AGBL1: variants seen among roughly 807,000 people sequenced by gnomAD.
AGBL1 encodes the protein AGBL carboxypeptidase 1, also known as cytosolic carboxypeptidase 4.
Under a neutral mutation model 118.9 loss-of-function variants are expected in AGBL1, and 130 were observed. That is an observed-to-expected ratio of 1.09 (90% CI 0.95 to 1.26). AGBL1 has a LOEUF of 1.26. Ranked by LOEUF, AGBL1 falls within the 50% of genes most tolerant of loss-of-function variation. AGBL1 has a pLI of 0.00. For missense variants in AGBL1, 1,584 were observed against 1,298.1 expected (o/e 1.22, Z -3.38); for synonymous variants, 555 against 478.9 (o/e 1.16, Z -2.08).
chr15:86,621,645 A>C (rs2084806494), intron 21 of AGBL1, among the ~76,000 whole-genome samples: 1 of 152,198 alleles, frequency 6.6e-6, no homozygotes, highest in Non-Finnish European at 1.5e-5. Context: ...AAAAGACCTT[A>C]TGTCCAAATC....
chr15:86,928,940 C>A (rs2080576138), intron 23 of AGBL1, among the ~76,000 whole-genome samples: 1 of 152,022 alleles, frequency 6.6e-6, no homozygotes. Context: ...TTAAAATGTA[C>A]AATTTAGTGT....
intron 3 of AGBL1, among the ~76,000 whole-genome samples, chr15:86,146,878 A>G (rs2077040295): frequency 6.6e-6 from 1 of 152,334 alleles, no homozygotes; most frequent in Non-Finnish European, 1.5e-5. Context: ...GGTACATATC[A>G]GTAAACGAGG....
At position 86,910,449 on chromosome 15, in the gene AGBL1, G is replaced by A. The variant is rs1274890826; in HGVS notation, c.*3155G>A. ...CTGAATTTAATTCTGAATGTAATGG[G>A]GGAGACTTAAAGAGCTTTCAGCAGA... On this transcript the variant is annotated 3_prime_UTR_variant, in exon 23 of 23. Transcript: ENST00000614907. 1 of 152,128 alleles carries A rather than the reference G, an allele frequency of 6.6e-6. No homozygotes were observed. Among genetic ancestry groups the A allele is most frequent in the Non-Finnish European group, 1.5e-5 (1 of 68,024 alleles). The allele number at this position is 152,128 out of a possible 1,614,324, so 9.4% of individuals were successfully genotyped here.
intron 1 of AGBL1, among the ~76,000 whole-genome samples, chr15:86,115,685 C>T (rs1567064106): frequency 6.6e-6 from 1 of 152,186 alleles, no homozygotes; most frequent in Non-Finnish European, 1.5e-5. Flanking sequence ...CTTGTCAGCA[C>T]TGGAAAGCTC....
At chr15:86,744,104 G>C (rs1271546932) in intron 22 of AGBL1, among the ~76,000 whole-genome samples, 1 of 152,046 alleles carries the variant, frequency 6.6e-6, no homozygotes, top group Admixed American at 6.6e-5. Context: ...TTCTTGCTGA[G>C]AAATGAATGA....
intron 1 of AGBL1, among the ~76,000 whole-genome samples, chr15:86,111,660 G>C (rs918236338): frequency 1.3e-5 from 2 of 152,170 alleles, no homozygotes; most frequent in African/African-American, 2.4e-5. Context: ...GAACAAGTTG[G>C]GGAAAACACT....
intron 24 of AGBL1, among the ~76,000 whole-genome samples, chr15:87,002,735 A>G (rs2081453359): frequency 6.6e-6 from 1 of 152,102 alleles, no homozygotes; most frequent in Admixed American, 6.6e-5. Flanking sequence ...ATTCTCTTTG[A>G]AGCATTTGTG....
At chr15:86,390,336 G>A (rs1269915272) in intron 17 of AGBL1, among the ~76,000 whole-genome samples, 3 of 152,110 alleles carry the variant, frequency 2.0e-5, no homozygotes, top group Non-Finnish European at 4.4e-5. Context: ...CATGGAACAA[G>A]CAGATATAAT....
intron 22 of AGBL1, among the ~76,000 whole-genome samples, chr15:86,890,594 A>G (rs780186398): frequency 5.3e-5 from 8 of 152,136 alleles, no homozygotes; most frequent in African/African-American, 9.6e-5. Flanking sequence ...TCCAGTTTCA[A>G]TTTTCTGCAC....
At chr15:86,831,993 C>T (rs752795466) in intron 22 of AGBL1, among the ~76,000 whole-genome samples, 1 of 152,244 alleles carries the variant, frequency 6.6e-6, no homozygotes, top group Non-Finnish European at 1.5e-5. Flanking sequence ...TGTGTCCCTG[C>T]AGGCCCAACA....
chr15:86,085,583 C>T (rs773131214), intron 1 of AGBL1, among the ~76,000 whole-genome samples: 8 of 152,134 alleles, frequency 5.3e-5, no homozygotes, highest in Non-Finnish European at 1.0e-4. Context: ...CCATTCCTGA[C>T]CAGGCTTTTG....
intron 21 of AGBL1, among the ~76,000 whole-genome samples, chr15:86,662,870 C>T (rs1002141679): frequency 1.3e-5 from 2 of 152,168 alleles, no homozygotes; most frequent in East Asian, 3.9e-4. Flanking sequence ...GTGGACCACT[C>T]TCCTGGCAGA....
intron 16 of AGBL1, among the ~76,000 whole-genome samples, chr15:86,280,316 A>G (rs1388939727): frequency 2.0e-5 from 3 of 152,178 alleles, no homozygotes; most frequent in East Asian, 3.9e-4. Flanking sequence ...AGAAAAGTGT[A>G]AGAATAAAAC....
intron 1 of AGBL1, among the ~76,000 whole-genome samples, chr15:86,097,086 C>A (rs1036913016): frequency 6.6e-6 from 1 of 152,120 alleles, no homozygotes; most frequent in African/African-American, 2.4e-5. Context: ...TGTAGGTCAC[C>A]ATCAGGAGCA....
intron 22 of AGBL1, among the ~76,000 whole-genome samples, chr15:86,898,032 C>T (rs971471569): frequency 3.3e-5 from 5 of 151,866 alleles, no homozygotes; most frequent in East Asian, 1.9e-4. Context: ...CCACACCTAC[C>T]GAGTGCTGGG....
At chr15:86,563,737 A>C (rs2083868152) in intron 21 of AGBL1, among the ~76,000 whole-genome samples, 1 of 152,132 alleles carries the variant, frequency 6.6e-6, no homozygotes, top group South Asian at 2.1e-4. Context: ...GGGGTGTTAA[A>C]GTCTCCCATA....
chr15:86,822,525 TATGCA>T (rs146905039), intron 22 of AGBL1, among the ~76,000 whole-genome samples: 3,076 of 152,200 alleles, frequency 0.02, 244 homozygotes, highest in Admixed American at 0.15. Flanking sequence ...GAGCATGGGA[TATGCA>T]GTGGTTGTGG....
At chr15:86,865,320 A>G (rs924654441) in intron 22 of AGBL1, among the ~76,000 whole-genome samples, 8 of 152,358 alleles carry the variant, frequency 5.3e-5, no homozygotes, top group African/African-American at 1.9e-4. Flanking sequence ...CAAAGTCACA[A>G]GTGTGAAAAC....
chr15:86,375,479 G>A (rs2081030098), intron 17 of AGBL1, among the ~76,000 whole-genome samples: 1 of 152,086 alleles, frequency 6.6e-6, no homozygotes, highest in Non-Finnish European at 1.5e-5. Flanking sequence ...GGGGATTACA[G>A]TTCAAGATGA....
Sources: gnomAD v4.1 joint callset for allele counts (sites outside exome capture counted in the v4.1 genomes callset) on GRCh38, gnomAD v4.1.1 for gene constraint, MANE v1.5 for transcripts, NCBI Gene and HGNC (gene_info 2026-07-23, HGNC 2026-07-21) for gene names.